Variants in TRAF3IP2 observed in about 807,000 individuals in gnomAD.
The protein encoded by TRAF3IP2 is TRAF3 interacting protein 2, also known as E3 ubiquitin ligase TRAF3IP2.
Under a neutral mutation model 57.9 loss-of-function variants are expected in TRAF3IP2, and 35 were observed. The ratio of observed to expected loss-of-function variants is 0.60; its 90% confidence interval spans 0.46 to 0.80. TRAF3IP2 has a LOEUF of 0.80. Ranked by LOEUF, TRAF3IP2 falls within the 30% of genes least tolerant of loss-of-function variation. The pLI is 0.00. For missense variants in TRAF3IP2, 556 were observed against 706.4 expected (o/e 0.79, Z 2.41); for synonymous variants, 251 against 268.9 (o/e 0.93, Z 0.65).
intron 2 of TRAF3IP2, among the ~76,000 whole-genome samples, chr6:111,590,003 T>A (rs1291499805): frequency 6.6e-6 from 1 of 152,212 alleles, no homozygotes. Flanking sequence ...ATATCAGGCC[T>A]CACAGCCCTG....
intron 2 of TRAF3IP2, 98 bp from the exon 3 acceptor site, chr6:111,580,487 A>G: frequency 9.0e-7 from 1 of 1,106,304 alleles, no homozygotes; most frequent in East Asian, 2.7e-5. Flanking sequence ...TCTTGATCCC[A>G]GCTGAGGGGT....
chr6:111,591,749 A>G lies in TRAF3IP2; in HGVS notation c.338T>C (p.Val113Ala). The G allele has an allele frequency of 1.9e-6, 3 of 1,614,206 alleles. No homozygotes were observed. The highest frequency in any genetic ancestry group is 2.5e-6 in the Non-Finnish European group (3 of 1,180,034). Reference protein sequence around the residue: ...GKAFPSGCSAVSEPASESVVG... With the variant: ...GKAFPSGCSAASEPASESVVG... ...CACAGACTCAGACGCAGGCTCGCTG[A>G]CTGCAGAGCACCCAGAAGGGAAAGC... Residue 113 changes from valine (V) to alanine (A), a missense_variant, in exon 2 of 9, where the codon GTC becomes GCC. Val to Ala is a moderately conservative substitution (Grantham distance 64). Coordinates refer to ENST00000368761, the MANE Select transcript of TRAF3IP2 (RefSeq NM_147686.4). The surrounding 1 kb of genome is among the most constrained non-coding windows in gnomAD (Gnocchi z 4.9).
intron 7 of TRAF3IP2, 41 bp downstream of exon 7, chr6:111,566,403 C>G: frequency 1.4e-6 from 2 of 1,481,320 alleles, no homozygotes; most frequent in Non-Finnish European, 1.9e-6. Context: ...GGTATCCATC[C>G]CCAGGGGACA....
rs146668280 is a variant in TRAF3IP2 at position 111,556,213 on chromosome 6, CGTGTGT to C, written c.*3186_*3191del. 1.3e-5 allele frequency among the ~76,000 whole-genome samples: 2 copies of C among 149,580 alleles called. No homozygotes were observed. Among genetic ancestry groups the C allele is most frequent in the East Asian group, 2.0e-4 (1 of 5,120 alleles). On this transcript the variant is annotated 3_prime_UTR_variant, in exon 9 of 9. Transcript: ENST00000368761. ...AAGTGCGTGTGTGTGTGTATGTGTGCGTGTGTGTGTGTGTGTCTGTGTGTACTTTTT... is the reference window on the plus strand; with the variant it reads ...AAGTGCGTGTGTGTGTGTATGTGTGCGTGTGTGTGTCTGTGTGTACTTTTT...
chr6:111,587,752 A>C (rs1796383834), intron 2 of TRAF3IP2, among the ~76,000 whole-genome samples: 1 of 152,134 alleles, frequency 6.6e-6, no homozygotes, highest in South Asian at 2.1e-4. Flanking sequence ...CTTTCAACTT[A>C]ATCTTTTTGA....
At position 111,591,799 on chromosome 6, in the gene TRAF3IP2, G is replaced by A; in HGVS notation, c.288C>T (p.Cys96=). ...QVLEDSEDSF[C]RRHPGLGKAF... ...CTTTGCCCAGGCCTGGGTGTCTCCT[G>A]CAGAAACTGTCTTCACTGTCCTCCA... The change falls in exon 2 of 9, where the codon TGC becomes TGT. Residue 96 remains cysteine, a synonymous_variant. Transcript: ENST00000368761. The surrounding 1 kb of genome is among the most constrained non-coding windows in gnomAD (Gnocchi z 4.9). 2 of 1,614,246 alleles carry A rather than the reference G, an allele frequency of 1.2e-6. No individual in the cohort carries two copies. The highest frequency in any genetic ancestry group is 8.5e-7 in the Non-Finnish European group (1 of 1,180,054).
At chr6:111,598,430 A>G (rs1796764217) in intron 1 of TRAF3IP2, 1 of 153,774 alleles carries the variant, frequency 6.5e-6, no homozygotes, top group African/African-American at 2.4e-5. Context: ...ACCAGACACA[A>G]CCCACATGTC....
chr6:111,558,243 C>G lies in TRAF3IP2; in HGVS notation c.*1162G>C, dbSNP rs1795310542. The G allele has an allele frequency of 6.6e-6, 1 of 152,104 alleles. No individual in the cohort carries two copies. The highest frequency in any genetic ancestry group is 6.5e-5 in the Admixed American group (1 of 15,280). The allele number at this position is 152,104 out of a possible 1,614,324, so 9.4% of individuals were successfully genotyped here. On this transcript the variant is annotated 3_prime_UTR_variant, in exon 9 of 9. Transcript: ENST00000368761. ...AAAAGTTAAAGGACTTGCTAAAGGT[C>G]ATACAGCTAATTGGTGGTAGAACCA...
intron 1 of TRAF3IP2, among the ~76,000 whole-genome samples, chr6:111,603,595 A>T (rs563655042): frequency 3.3e-5 from 5 of 152,328 alleles, no homozygotes; most frequent in African/African-American, 1.2e-4. Flanking sequence ...CATTTAGACA[A>T]ACTACCCCAC....
intron 2 of TRAF3IP2, among the ~76,000 whole-genome samples, chr6:111,583,042 GCTTTCTTCGTAGTTCCTAT>G (rs1261336124): frequency 6.6e-6 from 1 of 152,090 alleles, no homozygotes; most frequent in Non-Finnish European, 1.5e-5. Flanking sequence ...TCCCTATTTT[GCTTTCTTCGTAGTTCCTAT>G]CATGGGTTTG....
chr6:111,598,948 G>A (rs1401959247), intron 1 of TRAF3IP2, among the ~76,000 whole-genome samples: 7 of 152,058 alleles, frequency 4.6e-5, no homozygotes, highest in Non-Finnish European at 1.0e-4. Context: ...GCATGAGCTG[G>A]GTACAGAGGT....
intron 2 of TRAF3IP2, among the ~76,000 whole-genome samples, chr6:111,583,433 C>T (rs1796224222): frequency 6.6e-6 from 1 of 152,194 alleles, no homozygotes; most frequent in Non-Finnish European, 1.5e-5. Flanking sequence ...TCTGTATTTA[C>T]AACCACTCCC....
chr6:111,559,369 C>T lies in TRAF3IP2; in HGVS notation c.*36G>A, dbSNP rs1795348915. On this transcript the variant is annotated 3_prime_UTR_variant, in exon 9 of 9. Coordinates refer to ENST00000368761, the MANE Select transcript of TRAF3IP2 (RefSeq NM_147686.4). ...AATGCTGTCAGAACAAGGCCCCAAA[C>T]ATGGCCTGGCCTCAGTGATCTGGGG... 1.2e-6 allele frequency: 2 copies of T among 1,602,288 alleles called. No homozygotes were observed. Among genetic ancestry groups the T allele is most frequent in the Admixed American group, 3.4e-5 (2 of 58,492 alleles).
At chr6:111,595,782 C>T (rs1380161774) in intron 1 of TRAF3IP2, among the ~76,000 whole-genome samples, 6 of 149,484 alleles carry the variant, frequency 4.0e-5, no homozygotes, top group South Asian at 2.1e-4. Context: ...GAGCCGAGAT[C>T]GTGCCACTGC....
chr6:111,583,219 A>G (rs1381076935), intron 2 of TRAF3IP2, among the ~76,000 whole-genome samples: 1 of 152,228 alleles, frequency 6.6e-6, no homozygotes, highest in Non-Finnish European at 1.5e-5. Flanking sequence ...AGATGAATGA[A>G]TGAAGGCTCA....
rs192703459 is a variant in TRAF3IP2, at chr6:111,591,006, G to C, written c.829+252C>G. ...GGTTTGTTAAACTAACCCAGACAGA[G>C]GAACCCATTTTGTCCTTAAAGGTCC... On this transcript the variant is annotated intron_variant, in intron 2 of 8. Coordinates refer to ENST00000368761, the MANE Select transcript of TRAF3IP2 (RefSeq NM_147686.4). This position sits in a 1 kb window ranked among gnomAD's most constrained non-coding sequence, Gnocchi z 4.9. Among the ~76,000 whole-genome samples, 1 of 152,314 alleles carries C rather than the reference G, an allele frequency of 6.6e-6. No homozygotes were observed. Among genetic ancestry groups the C allele is most frequent in the South Asian group, 2.1e-4 (1 of 4,818 alleles).
At chr6:111,580,454 CAT>C in intron 2 of TRAF3IP2, 65 bp from the exon 3 acceptor site, 1 of 1,418,258 alleles carries the variant, frequency 7.1e-7, no homozygotes, top group South Asian at 1.5e-5. Context: ...TGAAAGGAGT[CAT>C]AAGCTCCATG....
chr6:111,574,287 T>C (rs1298166038), intron 4 of TRAF3IP2, among the ~76,000 whole-genome samples: 1 of 152,224 alleles, frequency 6.6e-6, no homozygotes, highest in Non-Finnish European at 1.5e-5. Flanking sequence ...CAAAAGGCTT[T>C]GTTTCAGGTT....
Position 111,559,386 on chromosome 6 carries a change from G to T in TRAF3IP2, c.*19C>A, listed in dbSNP as rs778653390. The stretch of plus-strand genomic sequence containing the variant: ...GCCCCAAACATGGCCTGGCCTCAGT[G>T]ATCTGGGGATGAACGGTGTCACAAG... On this transcript the variant is annotated 3_prime_UTR_variant, in exon 9 of 9. Coordinates refer to ENST00000368761, the MANE Select transcript of TRAF3IP2 (RefSeq NM_147686.4). 2.7e-5 allele frequency: 44 copies of T among 1,611,114 alleles called. No individual in the cohort carries two copies. Among genetic ancestry groups the T allele is most frequent in the Non-Finnish European group, 3.5e-5 (41 of 1,178,954 alleles).
Sources: gnomAD v4.1 joint callset for allele counts (sites outside exome capture counted in the v4.1 genomes callset) on GRCh38, gnomAD v4.1.1 for gene constraint, Gnocchi (gnomAD v3.1) non-coding constraint, MANE v1.5 for transcripts, NCBI Gene and HGNC (gene_info 2026-07-23, HGNC 2026-07-21) for gene names.